The following CTNND2 variants were observed in gnomAD, a reference collection of about 807,000 sequenced individuals.
CTNND2 encodes the protein catenin delta-2.
Under a neutral mutation model 144.4 loss-of-function variants are expected in CTNND2, and 22 were observed. That is an observed-to-expected ratio of 0.15 (90% CI 0.11 to 0.22). CTNND2 has a LOEUF of 0.22. Ranked by LOEUF, CTNND2 falls within the 10% of genes least tolerant of loss-of-function variation. CTNND2 has a pLI of 1.00. For missense variants in CTNND2, 1,353 were observed against 1,618.8 expected, an observed-to-expected ratio of 0.84 and a Z score of 2.82; for synonymous variants, 751 against 695.6, an observed-to-expected ratio of 1.08 and a Z score of -1.25.
At chr5:11,469,179 C>T (rs1315874195) in intron 3 of CTNND2, among the ~76,000 whole-genome samples, 1 of 152,316 alleles carries the variant, frequency 6.6e-6, no homozygotes, top group Non-Finnish European at 1.5e-5. Flanking sequence ...TGCCAGCTTC[C>T]TCTACATCCA....
At chr5:11,374,775 C>CT (rs56327510) in intron 7 of CTNND2, among the ~76,000 whole-genome samples, 15,489 of 98,570 alleles carry the variant, frequency 0.16, 3,080 homozygotes, top group East Asian at 0.25. Context: ...TCCCAATCTA[C>CT]TTTTTTTTTT....
chr5:11,523,986 A>G (rs1183105156), intron 3 of CTNND2, among the ~76,000 whole-genome samples: 1 of 152,140 alleles, frequency 6.6e-6, no homozygotes, highest in Non-Finnish European at 1.5e-5. Context: ...TACAAACTCA[A>G]CCATGTTTAA....
intron 3 of CTNND2, among the ~76,000 whole-genome samples, chr5:11,466,212 A>G (rs553636871): frequency 8.8e-4 from 134 of 152,206 alleles, no homozygotes; most frequent in African/African-American, 3.2e-3. Context: ...ATGTTGCCCA[A>G]GCTAGTCCTG....
intron 15 of CTNND2, among the ~76,000 whole-genome samples, chr5:11,093,201 T>C (rs1030572835): frequency 6.6e-6 from 1 of 152,258 alleles, no homozygotes; most frequent in African/African-American, 2.4e-5. Flanking sequence ...TTTAAAATGT[T>C]TGACTTCATA....
chr5:11,803,002 G>A (rs1791779067), intron 1 of CTNND2, among the ~76,000 whole-genome samples: 3 of 152,160 alleles, frequency 2.0e-5, no homozygotes, highest in African/African-American at 7.2e-5. Context: ...CCAAAGGTAA[G>A]TTCATGCGAG....
chr5:11,331,941 A>C (rs983083718), intron 9 of CTNND2, among the ~76,000 whole-genome samples: 1 of 152,180 alleles, frequency 6.6e-6, no homozygotes, highest in Non-Finnish European at 1.5e-5. Flanking sequence ...CAAAGAAATC[A>C]TAAGTGCTTG....
chr5:11,770,446 AGGAAGGAAGGAAGGAAGG>A (rs1789860259), intron 1 of CTNND2, among the ~76,000 whole-genome samples: 1 of 137,538 alleles, frequency 7.3e-6, no homozygotes, highest in African/African-American at 3.0e-5. Flanking sequence ...GAAGGAAGGA[AGGAAGGAAGGAAGGAAGG>A]GGTAGGGGTA....
At position 11,455,409 on chromosome 5, in the gene CTNND2, T is replaced by C. The variant is rs1370130879; in HGVS notation, c.288-43340A>G. Reference sequence around the variant, plus strand: ...TCGCATGGTGCATACACTATGATCATGATCTTTCCATTGTGGGTGGAAATA... The same window carrying C: ...TCGCATGGTGCATACACTATGATCACGATCTTTCCATTGTGGGTGGAAATA... On this transcript the variant is annotated intron_variant, in intron 3 of 21. Coordinates refer to ENST00000304623, the MANE Select transcript of CTNND2 (RefSeq NM_001332.4). Among the ~76,000 whole-genome samples, 11 of 152,356 alleles carry C rather than the reference T, an allele frequency of 7.2e-5. No individual in the cohort carries two copies. The East Asian group carries it at 2.1e-3, about 29-fold the overall frequency.
At chr5:11,355,096 G>A (rs1755723457) in intron 8 of CTNND2, among the ~76,000 whole-genome samples, 2 of 152,038 alleles carry the variant, frequency 1.3e-5, no homozygotes, top group Admixed American at 1.3e-4. Flanking sequence ...AACAAAAGCA[G>A]TTATAAGAAG....
At chr5:11,434,973 A>T (rs948950511) in intron 3 of CTNND2, among the ~76,000 whole-genome samples, 1 of 152,152 alleles carries the variant, frequency 6.6e-6, no homozygotes, top group African/African-American at 2.4e-5. Context: ...AATTGAAAAA[A>T]TGCACGAGGT....
intron 18 of CTNND2, among the ~76,000 whole-genome samples, chr5:11,012,573 G>C (rs1361103499): frequency 6.6e-6 from 1 of 152,162 alleles, no homozygotes; most frequent in African/African-American, 2.4e-5. Context: ...GGCTACTCAT[G>C]GTGTTCCGCC....
At chr5:11,083,798 G>T (rs756519011) in intron 15 of CTNND2, 15 of 711,176 alleles carry the variant, frequency 2.1e-5, no homozygotes, top group Non-Finnish European at 2.7e-5. Context: ...CTGGGGACCA[G>T]TCCTTTCCCA....
At chr5:11,375,061 C>T (rs1272669951) in intron 7 of CTNND2, among the ~76,000 whole-genome samples, 1 of 152,072 alleles carries the variant, frequency 6.6e-6, no homozygotes, top group Non-Finnish European at 1.5e-5. Context: ...AACATGTAAA[C>T]GAAGATGTTT....
intron 9 of CTNND2, among the ~76,000 whole-genome samples, chr5:11,319,731 C>T (rs539675208): frequency 7.2e-5 from 11 of 152,158 alleles, no homozygotes; most frequent in South Asian, 2.1e-4. Flanking sequence ...ATGTTGGCCA[C>T]GCTGGTCTCG....
chr5:11,348,437 CAAA>C (rs3034056), intron 8 of CTNND2, among the ~76,000 whole-genome samples: 26,439 of 114,728 alleles, frequency 0.23, 2,736 homozygotes, highest in Admixed American at 0.38. Context: ...AAATCAAGGG[CAAA>C]AAAAAAAAAA....
At chr5:11,812,572 A>C (rs1442205060) in intron 1 of CTNND2, among the ~76,000 whole-genome samples, 1 of 152,136 alleles carries the variant, frequency 6.6e-6, no homozygotes, top group Non-Finnish European at 1.5e-5. Flanking sequence ...ATGGGGAGGT[A>C]CGCTGCCCCA....
chr5:11,244,690 C>T (rs1392413064), intron 9 of CTNND2, among the ~76,000 whole-genome samples: 1 of 152,142 alleles, frequency 6.6e-6, no homozygotes, highest in African/African-American at 2.4e-5. Flanking sequence ...ACGGTTATAC[C>T]ATTTTTAAGG....
In CTNND2 at chr5:11,420,668, G is replaced by A. The variant is rs140482007; in HGVS notation, c.288-8599C>T. Among the ~76,000 whole-genome samples, 66 of 152,302 alleles carry A rather than the reference G, an allele frequency of 4.3e-4. No homozygotes were observed. The East Asian group carries it at 0.011, about 25-fold the overall frequency. Reference sequence around the variant, plus strand: ...AACTCCACTCTCCGCAGAATGTTTCGTGGAACTGACTTCCCTTTGGTCGGC... The same window carrying A: ...AACTCCACTCTCCGCAGAATGTTTCATGGAACTGACTTCCCTTTGGTCGGC... On this transcript the variant is annotated intron_variant, in intron 3 of 21. Transcript: ENST00000304623.
intron 3 of CTNND2, among the ~76,000 whole-genome samples, chr5:11,559,630 T>A (rs1304384391): frequency 6.6e-6 from 1 of 152,162 alleles, no homozygotes; most frequent in African/African-American, 2.4e-5. Context: ...CCTCCTGAGA[T>A]CCTTCTCCCC....
Sources: gnomAD v4.1 joint callset for allele counts (sites outside exome capture counted in the v4.1 genomes callset) on GRCh38, gnomAD v4.1.1 for gene constraint, MANE v1.5 for transcripts, NCBI Gene and HGNC (gene_info 2026-07-23, HGNC 2026-07-21) for gene names.